The following TNPO1 variants were observed in gnomAD, a reference collection of about 807,000 sequenced individuals.
TNPO1 encodes transportin-1.
In TNPO1, 8 loss-of-function variants were observed where a neutral mutation model predicts 119.5. The ratio of observed to expected loss-of-function variants is 0.07; its 90% CI spans 0.04 to 0.12. The LOEUF (loss-of-function observed/expected upper bound fraction) is 0.12, where lower values mean the gene tolerates loss of function less well. Among genes scored for constraint, TNPO1 ranks in the 10% least tolerant of loss-of-function variants. TNPO1 has a pLI of 1.00. For synonymous variants in TNPO1, 362 were observed against 363.0 expected (o/e 1.00, Z 0.03); for missense variants, 576 against 1,089.8 (o/e 0.53, Z 6.64).
At chr5:72,818,875 TGGAG>T (rs1743818944) in intron 1 of TNPO1, among the ~76,000 whole-genome samples, 1 of 152,166 alleles carries the variant, frequency 6.6e-6, no homozygotes, top group African/African-American at 2.4e-5. Flanking sequence ...GAAATTCCCC[TGGAG>T]GTTGAGGATT....
In TNPO1 at chr5:72,905,294, C is replaced by T; in HGVS notation, c.2590-9C>T. The T allele has an allele frequency of 6.3e-7, 1 of 1,596,922 alleles. No homozygotes were observed. The highest frequency in any genetic ancestry group is 8.5e-7 in the Non-Finnish European group (1 of 1,170,876). On this transcript the variant is annotated splice_polypyrimidine_tract_variant and intron_variant, in intron 23 of 24. Transcript: ENST00000337273. ...TTATTGATAAATTAATGGTTTTTCA[C>T]TCTTACAGATCCTTCATGGATTTAA... is the stretch of plus-strand genomic sequence containing the variant.
At chr5:72,845,762 G>T (rs1418792643) in intron 1 of TNPO1, among the ~76,000 whole-genome samples, 1 of 152,186 alleles carries the variant, frequency 6.6e-6, no homozygotes, top group Non-Finnish European at 1.5e-5. Flanking sequence ...AAAGAAGGAA[G>T]CATGCTATTG....
chr5:72,906,759 ATACTG>A (rs978338838), intron 24 of TNPO1, among the ~76,000 whole-genome samples: 1 of 152,178 alleles, frequency 6.6e-6, no homozygotes, highest in African/African-American at 2.4e-5. Flanking sequence ...ATTAAATACT[ATACTG>A]TATGTGATGC....
chr5:72,835,063 T>C (rs1744643139), intron 1 of TNPO1, among the ~76,000 whole-genome samples: 1 of 152,180 alleles, frequency 6.6e-6, no homozygotes, highest in South Asian at 2.1e-4. Flanking sequence ...AGCCTAGGTG[T>C]GTAGTAGGCT....
chr5:72,857,243 G>T (rs764593224), intron 4 of TNPO1, among the ~76,000 whole-genome samples: 6 of 151,958 alleles, frequency 3.9e-5, no homozygotes, highest in Non-Finnish European at 7.4e-5. Flanking sequence ...GCTTGAACCC[G>T]GGAGGTGCAG....
intron 14 of TNPO1, among the ~76,000 whole-genome samples, chr5:72,891,100 C>G (rs188364623): frequency 1.1e-4 from 17 of 152,094 alleles, no homozygotes; most frequent in African/African-American, 3.6e-4. Flanking sequence ...GCCTCAGCCT[C>G]TCAAAGTGCT....
rs1748715005 is a variant in TNPO1, at chr5:72,887,179, T to C, written c.1260T>C (p.Val420=). ...LKELLFHHEW[V]VKESGILVLG... is the part of the protein sequence containing the mutation. Reference sequence around the variant, plus strand: ...AATTACTTTTTCATCATGAATGGGTTGTTAAAGAATCAGGCATTTTGGTTT... The same window carrying C: ...AATTACTTTTTCATCATGAATGGGTCGTTAAAGAATCAGGCATTTTGGTTT... The change falls in exon 12 of 25, where the codon GTT becomes GTC. Residue 420 remains valine, a synonymous_variant. Transcript: ENST00000337273. 6.2e-7 allele frequency: 1 copy of C among 1,613,580 alleles called. No individual in the cohort carries two copies. The highest frequency in any genetic ancestry group is 8.5e-7 in the Non-Finnish European group (1 of 1,179,654).
chr5:72,851,288 G>A lies in TNPO1; in HGVS notation c.174G>A (p.Leu58=). ...LNQYPDFNNY[L]IFVLTKLKSE... is the part of the protein sequence containing the mutation. ...AGTATCCAGACTTTAACAACTACTTGATTTTTGTTCTTACAAAATTAAAAT... is the reference window on the plus strand; with the variant it reads ...AGTATCCAGACTTTAACAACTACTTAATTTTTGTTCTTACAAAATTAAAAT... Residue 58 remains leucine (L), a synonymous_variant, in exon 3 of 25, where the codon TTG becomes TTA. Coordinates refer to ENST00000337273, the MANE Select transcript of TNPO1 (RefSeq NM_002270.4). 2.5e-6 allele frequency: 4 copies of A among 1,601,902 alleles called. No homozygotes were observed. The highest frequency in any genetic ancestry group is 3.4e-6 in the Non-Finnish European group (4 of 1,171,456).
chr5:72,860,617 G>A (rs552055717), intron 4 of TNPO1, among the ~76,000 whole-genome samples: 6 of 152,282 alleles, frequency 3.9e-5, no homozygotes, highest in South Asian at 2.1e-4. Context: ...CCTTTCTGGC[G>A]ACTCATTCTT....
intron 16 of TNPO1, 62 bp from the exon 17 acceptor site, chr5:72,893,315 T>C: frequency 6.2e-7 from 1 of 1,605,696 alleles, no homozygotes. Context: ...GTATAATGTA[T>C]ACAGACTTTT....
Position 72,893,364 on chromosome 5 carries a change from T to G in TNPO1, c.1897-13T>G. ...AAAACCAAACTTACAAAAAACATTGTGTCTAATTTCAGCTAAACAATGCTC... is the reference window on the plus strand; with the variant it reads ...AAAACCAAACTTACAAAAAACATTGGGTCTAATTTCAGCTAAACAATGCTC... On this transcript the variant is annotated splice_polypyrimidine_tract_variant and intron_variant, in intron 16 of 24. Transcript: ENST00000337273. 3.7e-6 allele frequency: 6 copies of G among 1,610,388 alleles called. No homozygotes were observed. Among genetic ancestry groups the G allele is most frequent in the Non-Finnish European group, 5.1e-6 (6 of 1,178,834 alleles).
At chr5:72,851,894 T>C (rs1745603390) in intron 3 of TNPO1, among the ~76,000 whole-genome samples, 1 of 152,236 alleles carries the variant, frequency 6.6e-6, no homozygotes, top group Non-Finnish European at 1.5e-5. Context: ...CTTTCATGCA[T>C]ATAGATGGAT....
chr5:72,900,807 C>T, intron 21 of TNPO1, 167 bp from the exon 22 acceptor site: 1 of 420,944 alleles, frequency 2.4e-6, no homozygotes, highest in Non-Finnish European at 4.3e-6. Flanking sequence ...TAAGATGGGC[C>T]CAACAAACAG....
At chr5:72,819,365 T>C (rs1484043144) in intron 1 of TNPO1, among the ~76,000 whole-genome samples, 1 of 152,228 alleles carries the variant, frequency 6.6e-6, no homozygotes, top group Non-Finnish European at 1.5e-5. Context: ...TTTGTAGTTG[T>C]ATGCGTGGAT....
intron 1 of TNPO1, among the ~76,000 whole-genome samples, chr5:72,833,571 A>G (rs1257800766): frequency 6.6e-6 from 1 of 152,234 alleles, no homozygotes; most frequent in Admixed American, 6.5e-5. Context: ...TGGACATGAT[A>G]TTCAATTGGC....
intron 24 of TNPO1, 64 bp downstream of exon 24, chr5:72,905,509 A>C (rs957345225): frequency 1.4e-6 from 1 of 726,306 alleles, no homozygotes; most frequent in African/African-American, 1.8e-5. Context: ...TGTCATTTCA[A>C]ACTACTAAAT....
At chr5:72,892,816 A>G (rs1167744290) in intron 15 of TNPO1, among the ~76,000 whole-genome samples, 2 of 152,154 alleles carry the variant, frequency 1.3e-5, no homozygotes, top group Non-Finnish European at 2.9e-5. Context: ...CATTCACAAC[A>G]TTGACCAGGA....
In TNPO1 at chr5:72,910,764, A is replaced by G. The variant is rs1204519395; in HGVS notation, c.*2091A>G. ...GTTTCAAAAATTTCAAATGCATGGT[A>G]GCATGTAGAAAGGTTTTTGTTACTA... On this transcript the variant is annotated 3_prime_UTR_variant, in exon 25 of 25. Transcript: ENST00000337273. 1 of 152,076 alleles carries G rather than the reference A, an allele frequency of 6.6e-6. No homozygotes were observed. Among genetic ancestry groups the G allele is most frequent in the Admixed American group, 6.6e-5 (1 of 15,262 alleles). 9.4% of individuals were successfully genotyped at this position (152,076 alleles called of 1,614,324 possible).
chr5:72,887,391 A>G (rs1244482352), intron 12 of TNPO1, among the ~76,000 whole-genome samples, 169 bp downstream of exon 12: 1 of 152,172 alleles, frequency 6.6e-6, no homozygotes, highest in Non-Finnish European at 1.5e-5. Context: ...TGTTTTTGTT[A>G]TAATAAAGGT....
Sources: gnomAD v4.1 joint callset for allele counts (sites outside exome capture counted in the v4.1 genomes callset) on GRCh38, gnomAD v4.1.1 for gene constraint, MANE v1.5 for transcripts, NCBI Gene and HGNC (gene_info 2026-07-23, HGNC 2026-07-21) for gene names.